The following PDE11A variants were observed in gnomAD, a reference collection of about 807,000 sequenced individuals.
PDE11A encodes the protein phosphodiesterase 11A.
In PDE11A, 100 loss-of-function variants were observed where a neutral mutation model predicts 100.5. That is an observed-to-expected ratio of 1.00 (90% confidence interval 0.85 to 1.18). The LOEUF (loss-of-function observed/expected upper bound fraction) is 1.18. PDE11A is among the 50% of genes most tolerant of loss of function. PDE11A has a pLI of 0.00. For synonymous variants in PDE11A, 381 were observed against 420.8 expected (o/e 0.91, Z 1.16); for missense variants, 1,141 against 1,152.6 (o/e 0.99, Z 0.15).
chr2:177,967,176 G>A (rs900864196), intron 2 of PDE11A, among the ~76,000 whole-genome samples: 1 of 150,106 alleles, frequency 6.7e-6, no homozygotes, highest in Non-Finnish European at 1.5e-5. Context: ...GTTTCTATGG[G>A]ATTGGTGGTA....
chr2:177,752,704 C>A (rs1465284791), intron 10 of PDE11A, among the ~76,000 whole-genome samples: 1 of 152,094 alleles, frequency 6.6e-6, no homozygotes, highest in Non-Finnish European at 1.5e-5. Flanking sequence ...TTATTGAGTG[C>A]CTACTATGTG....
Position 177,820,240 on chromosome 2 carries a change from T to C in PDE11A, c.1556A>G (p.Asn519Ser). ...CTTACCAATTATTTGGTGGTTGCTA[T>C]TCCAAATAGGGACACAAAGAACAGA... Reference protein sequence around the residue: ...IRSVLCVPIWNSNHQIIGVAQ... With the variant: ...IRSVLCVPIWSSNHQIIGVAQ... Residue 519 changes from asparagine to serine, a missense_variant, in exon 7 of 20, where the codon AAT becomes AGT. By Grantham distance (46) the Asn-to-Ser change is conservative. Transcript: ENST00000286063. The C allele has an allele frequency of 6.3e-7, 1 of 1,575,126 alleles. No individual in the cohort carries two copies. The highest frequency in any genetic ancestry group is 8.7e-7 in the Non-Finnish European group (1 of 1,144,908).
chr2:178,078,565 A>G (rs1220934296), intron 2 of PDE11A, among the ~76,000 whole-genome samples: 5 of 152,152 alleles, frequency 3.3e-5, no homozygotes, highest in Non-Finnish European at 5.9e-5. Context: ...AAAGTTACAG[A>G]AAAATGAGCT....
At chr2:177,849,001 T>C (rs1156762955) in intron 5 of PDE11A, among the ~76,000 whole-genome samples, 2 of 152,222 alleles carry the variant, frequency 1.3e-5, no homozygotes, top group East Asian at 3.8e-4. Flanking sequence ...ATGTTTCTCT[T>C]CTCAACATAA....
chr2:177,743,458 AC>A (rs1047504871), intron 10 of PDE11A, among the ~76,000 whole-genome samples: 33 of 152,330 alleles, frequency 2.2e-4, no homozygotes, highest in African/African-American at 6.7e-4. Flanking sequence ...TATGCCTTGA[AC>A]TGTGCAAGCA....
chr2:177,666,130 A>G (rs965953189), intron 18 of PDE11A, among the ~76,000 whole-genome samples: 1 of 152,092 alleles, frequency 6.6e-6, no homozygotes, highest in Non-Finnish European at 1.5e-5. Flanking sequence ...TTCTCTATCT[A>G]TGGATTTGCT....
At chr2:177,811,836 T>C (rs1001796527) in intron 9 of PDE11A, among the ~76,000 whole-genome samples, 1 of 152,226 alleles carries the variant, frequency 6.6e-6, no homozygotes, top group Non-Finnish European at 1.5e-5. Context: ...CTGGAGCAGC[T>C]GCACTTGCGA....
intron 2 of PDE11A, among the ~76,000 whole-genome samples, chr2:177,940,743 T>A (rs899621799): frequency 5.9e-5 from 9 of 152,200 alleles, no homozygotes; most frequent in Admixed American, 2.0e-4. Context: ...ATCACTAAAT[T>A]AAACAAAATC....
intron 10 of PDE11A, among the ~76,000 whole-genome samples, chr2:177,746,256 G>A (rs898736263): frequency 2.0e-5 from 3 of 152,180 alleles, no homozygotes; most frequent in African/African-American, 7.2e-5. Flanking sequence ...GAAGTAGTGA[G>A]TTGGAAGATT....
rs574239981 is a variant in PDE11A at position 177,879,297 on chromosome 2, C to A, written c.1303-3374G>T. On this transcript the variant is annotated intron_variant, in intron 4 of 19. Coordinates refer to ENST00000286063, the MANE Select transcript of PDE11A (RefSeq NM_016953.4). Reference sequence around the variant, plus strand: ...AATCTAGCAATCTTATGCTGGCATTCTTTCAGTGCCTATTTTAGAACCAAC... The same window carrying A: ...AATCTAGCAATCTTATGCTGGCATTATTTCAGTGCCTATTTTAGAACCAAC... Among the ~76,000 whole-genome samples, 3 of 152,342 alleles carry A rather than the reference C, an allele frequency of 2.0e-5. No individual in the cohort carries two copies. The South Asian group carries it at 6.2e-4, about 32-fold the overall frequency.
intron 2 of PDE11A, among the ~76,000 whole-genome samples, chr2:177,990,818 G>A (rs540278791): frequency 1.5e-4 from 23 of 148,482 alleles, no homozygotes; most frequent in Middle Eastern, 3.7e-3. Context: ...GGAGGTGGAG[G>A]TGGACAGATC....
intron 10 of PDE11A, among the ~76,000 whole-genome samples, chr2:177,739,784 G>A (rs2081846289): frequency 6.6e-6 from 1 of 152,086 alleles, no homozygotes; most frequent in South Asian, 2.1e-4. Flanking sequence ...ACTTTTACTT[G>A]TAAATCCAGT....
intron 10 of PDE11A, among the ~76,000 whole-genome samples, chr2:177,745,761 G>A (rs2081938632): frequency 1.3e-5 from 2 of 152,230 alleles, no homozygotes; most frequent in Admixed American, 1.3e-4. Context: ...GCATATGTGA[G>A]TGTATTTGTT....
intron 10 of PDE11A, among the ~76,000 whole-genome samples, chr2:177,730,866 A>C (rs1303453384): frequency 6.6e-6 from 1 of 152,118 alleles, no homozygotes; most frequent in Non-Finnish European, 1.5e-5. Flanking sequence ...AACTATATGC[A>C]CATTGTCATA....
chr2:177,695,502 ACC>A (rs1333300777), intron 15 of PDE11A, among the ~76,000 whole-genome samples: 1 of 152,046 alleles, frequency 6.6e-6, no homozygotes, highest in East Asian at 1.9e-4. Flanking sequence ...AAATCTGACA[ACC>A]CTGGGTGTAT....
At chr2:178,083,412 A>G (rs1250894108) in intron 2 of PDE11A, among the ~76,000 whole-genome samples, 1 of 152,206 alleles carries the variant, frequency 6.6e-6, no homozygotes, top group Non-Finnish European at 1.5e-5. Context: ...AGAACTAAAT[A>G]TTTGAAGGAG....
chr2:178,108,312 G>A (rs1025631747), exon 1 of PDE11A: 2 of 152,238 alleles, frequency 1.3e-5, no homozygotes, highest in African/African-American at 2.4e-5. Context: ...GATCCAGAAA[G>A]AGCACCTCAC....
chr2:177,954,058 C>A (rs2085533047), intron 2 of PDE11A, among the ~76,000 whole-genome samples: 1 of 151,568 alleles, frequency 6.6e-6, no homozygotes, highest in Admixed American at 6.6e-5. Context: ...ATACTAGTGA[C>A]TGTATATTAT....
intron 2 of PDE11A, among the ~76,000 whole-genome samples, chr2:177,933,526 C>A (rs1198859434): frequency 6.6e-6 from 1 of 151,904 alleles, no homozygotes; most frequent in African/African-American, 2.4e-5. Context: ...ACTAAAAATA[C>A]AAAAATTAGC....
Sources: gnomAD v4.1 joint callset for allele counts (sites outside exome capture counted in the v4.1 genomes callset) on GRCh38, gnomAD v4.1.1 for gene constraint, MANE v1.5 for transcripts, NCBI Gene and HGNC (gene_info 2026-07-23, HGNC 2026-07-21) for gene names.